The following ODAD2 variants were observed in gnomAD, a reference collection of about 807,000 sequenced individuals.
ODAD2 encodes the protein outer dynein arm-docking complex subunit 2.
A neutral mutation model predicts 106.8 loss-of-function variants in ODAD2; 89 were observed. That is an observed-to-expected ratio of 0.83 (90% CI 0.70 to 0.99). The LOEUF (loss-of-function observed/expected upper bound fraction) is 0.99, where lower values mean the gene tolerates loss of function less well. Ranked by LOEUF, ODAD2 falls within the 50% of genes least tolerant of loss-of-function variation. The probability of loss-of-function intolerance (pLI) is 0.00; values close to 1 mark genes in which losing one functional copy is unlikely to be tolerated. For missense variants in ODAD2, 1,168 were observed against 1,238.5 expected, an observed-to-expected ratio of 0.94 and a Z score of 0.85; for synonymous variants, 404 against 436.2, an observed-to-expected ratio of 0.93 and a Z score of 0.92.
intron 19 of ODAD2, among the ~76,000 whole-genome samples, chr10:27,850,994 G>A (rs1361211927): frequency 6.6e-6 from 1 of 152,176 alleles, no homozygotes; most frequent in Non-Finnish European, 1.5e-5. Flanking sequence ...GGAGATTGGG[G>A]AGTGGAACAG....
intron 19 of ODAD2, among the ~76,000 whole-genome samples, chr10:27,832,013 C>T (rs550654731): frequency 6.6e-6 from 1 of 152,364 alleles, no homozygotes; most frequent in Admixed American, 6.5e-5. Flanking sequence ...CAAGCATATT[C>T]GGGGCTTCCC....
intron 16 of ODAD2, among the ~76,000 whole-genome samples, chr10:27,909,741 C>T (rs1843857433): frequency 1.4e-5 from 2 of 147,370 alleles, no homozygotes; most frequent in Admixed American, 6.9e-5. Context: ...TCGCTTGAAC[C>T]CAGGAGGTGG....
intron 17 of ODAD2, among the ~76,000 whole-genome samples, chr10:27,882,173 A>AAAGGAAGAAAGAAAG (rs1554799031): frequency 9.1e-6 from 1 of 109,682 alleles, no homozygotes; most frequent in Non-Finnish European, 1.8e-5. Context: ...GTCATAAAAA[A>AAAGGAAGAAAGAAAG]AAAGAAAGAA....
intron 17 of ODAD2, among the ~76,000 whole-genome samples, chr10:27,893,128 C>G (rs1175089136): frequency 6.6e-6 from 1 of 151,432 alleles, no homozygotes; most frequent in Non-Finnish European, 1.5e-5. Flanking sequence ...TACTGCCCTC[C>G]AACCTGGGCG....
chr10:27,860,497 A>T (rs918404412), intron 19 of ODAD2, 128 bp downstream of exon 19: 20 of 788,332 alleles, frequency 2.5e-5, no homozygotes, highest in South Asian at 1.2e-4. Context: ...GAATGCAGCC[A>T]TGATGCAGCA....
rs1037704429 is a variant in ODAD2, at chr10:27,876,073, G to A, written c.2611-13451C>T. Among the ~76,000 whole-genome samples the A allele has an allele frequency of 3.9e-5, 6 of 152,302 alleles. No homozygotes were observed. The South Asian group carries it at 1.0e-3, about 26-fold the overall frequency. On this transcript the variant is annotated intron_variant, in intron 17 of 19. Coordinates refer to ENST00000305242, the MANE Select transcript of ODAD2 (RefSeq NM_018076.5). ...AAGCTCGAACTGCGTGGAGCCCACT[G>A]CAGCTCAAGGATGCCTGCCTGTCAC...
At chr10:27,978,748 C>T (rs1377853295) in intron 7 of ODAD2, among the ~76,000 whole-genome samples, 1 of 151,934 alleles carries the variant, frequency 6.6e-6, no homozygotes, top group African/African-American at 2.4e-5. Context: ...GCCAAGATCA[C>T]ACCACTGCAC....
intron 19 of ODAD2, among the ~76,000 whole-genome samples, chr10:27,838,289 A>T (rs1021951017): frequency 9.9e-5 from 15 of 152,234 alleles, no homozygotes; most frequent in African/African-American, 3.6e-4. Flanking sequence ...ATCTGTGAAT[A>T]ACTTCTTATA....
At chr10:27,826,009 A>G (rs553802290) in intron 19 of ODAD2, among the ~76,000 whole-genome samples, 6 of 152,306 alleles carry the variant, frequency 3.9e-5, no homozygotes, top group African/African-American at 1.4e-4. Context: ...CCTCAACTCC[A>G]TTGATCTTCA....
intron 16 of ODAD2, among the ~76,000 whole-genome samples, chr10:27,924,372 T>C (rs1564510042): frequency 1.3e-5 from 2 of 151,574 alleles, no homozygotes. Context: ...AATTACAGGG[T>C]ACATTTAAAG....
intron 1 of ODAD2, among the ~76,000 whole-genome samples, chr10:27,995,948 T>C (rs888601956): frequency 3.3e-5 from 5 of 152,242 alleles, no homozygotes; most frequent in African/African-American, 1.2e-4. Flanking sequence ...TCAGCCTTTT[T>C]ATCTAAATTA....
In ODAD2 at chr10:27,935,171, C is replaced by T. The variant is rs138219785; in HGVS notation, c.2334G>A (p.Gly778=). The T allele has an allele frequency of 1.0e-3, 1,665 of 1,613,994 alleles. 28 individuals carry two copies. In the South Asian group the frequency reaches 0.011, roughly 11 times the overall value. ...GTTCTTGGCAGCATTCTCCCAAGGC[C>T]CCAACCACATTCACAAGTACTTCTT... The part of the protein sequence containing the change: ...QPEEVLVNVV[G]ALGECCQERE... The change falls in exon 16 of 20, where the codon GGG becomes GGA. Residue 778 remains glycine (G), a synonymous_variant. Coordinates refer to ENST00000305242, the MANE Select transcript of ODAD2 (RefSeq NM_018076.5).
At position 27,862,600 on chromosome 10, in the gene ODAD2, G is replaced by A. The variant is rs760572595; in HGVS notation, c.2633C>T (p.Ser878Phe). The change falls in exon 18 of 20, where the codon TCC becomes TTC. Residue 878 changes from serine to phenylalanine, a missense_variant. Around this residue, in one of 3 missense-constraint regions of ODAD2, gnomAD observed 701 missense variants for 712.3 expected, o/e 0.98. Coordinates refer to ENST00000305242, the MANE Select transcript of ODAD2 (RefSeq NM_018076.5). ...NAKDAGEMVRSFVGGLELIVN... is the reference protein window; with the variant it reads ...NAKDAGEMVRFFVGGLELIVN... ...AATAAGTTCCAAACCACCAACAAAG[G>A]AACGAACCATTTCCCCAGCATCCTA... The A allele has an allele frequency of 2.7e-5, 44 of 1,605,714 alleles. No individual in the cohort carries two copies. Among genetic ancestry groups the A allele is most frequent in the Non-Finnish European group, 3.7e-5 (43 of 1,176,702 alleles).
intron 17 of ODAD2, among the ~76,000 whole-genome samples, chr10:27,881,692 T>C (rs1005366545): frequency 2.6e-5 from 4 of 152,150 alleles, no homozygotes; most frequent in Admixed American, 6.6e-5. Context: ...TATTATTAGA[T>C]AATAATTCTA....
chr10:27,970,105 T>A (rs1182577149), intron 8 of ODAD2, among the ~76,000 whole-genome samples: 2 of 105,710 alleles, frequency 1.9e-5, no homozygotes, highest in East Asian at 2.6e-4. Flanking sequence ...TCTCAAAAAA[T>A]AAATAAATAA....
At chr10:27,997,333 T>C (rs74127175) in intron 1 of ODAD2, among the ~76,000 whole-genome samples, 5,220 of 152,300 alleles carry the variant, frequency 0.034, 326 homozygotes, top group African/African-American at 0.12. Flanking sequence ...TGCAAATAGC[T>C]TTATCTTATA....
At chr10:27,929,191 T>A (rs919003147) in intron 16 of ODAD2, among the ~76,000 whole-genome samples, 2 of 152,122 alleles carry the variant, frequency 1.3e-5, no homozygotes, top group African/African-American at 4.8e-5. Context: ...CATTAGCTGC[T>A]TAGGTAAATT....
At chr10:27,824,853 T>C (rs1836912958) in intron 19 of ODAD2, among the ~76,000 whole-genome samples, 2 of 152,202 alleles carry the variant, frequency 1.3e-5, no homozygotes, top group Admixed American at 6.5e-5. Flanking sequence ...TGGGGAAAGG[T>C]TGTATGTATA....
At chr10:27,939,747 A>T in intron 14 of ODAD2, 150 bp downstream of exon 14, 1 of 468,980 alleles carries the variant, frequency 2.1e-6, no homozygotes. Context: ...CTAAAAAAAT[A>T]AAAATAAATT....
Sources: gnomAD v4.1 joint callset for allele counts (sites outside exome capture counted in the v4.1 genomes callset) on GRCh38, gnomAD v4.1.1 for gene constraint, gnomAD v4.1.1 regional missense constraint, MANE v1.5 for transcripts, NCBI Gene and HGNC (gene_info 2026-07-23, HGNC 2026-07-21) for gene names.